SYT9: variants seen among roughly 807,000 people sequenced by gnomAD.
The protein encoded by SYT9 is synaptotagmin-9.
SYT9 carries 22 observed loss-of-function variants against 48.4 expected under a neutral mutation model. The observed-to-expected ratio is 0.45, with a 90% CI of 0.32 to 0.65. The LOEUF is 0.65. Among genes scored for constraint, SYT9 ranks in the 30% least tolerant of loss-of-function variants. The pLI is 0.03. For synonymous variants in SYT9, 265 were observed against 245.0 expected, an observed-to-expected ratio of 1.08 and a Z score of -0.76; for missense variants, 577 against 622.0, an observed-to-expected ratio of 0.93 and a Z score of 0.77.
At chr11:7,463,992 AGGT>A (rs763538170) in intron 6 of SYT9, among the ~76,000 whole-genome samples, 9 of 152,186 alleles carry the variant, frequency 5.9e-5, no homozygotes, top group Non-Finnish European at 1.0e-4. Flanking sequence ...AAATTGGCTA[AGGT>A]TGCAGCCTAG....
intron 3 of SYT9, among the ~76,000 whole-genome samples, chr11:7,401,887 T>G (rs1399883576): frequency 1.3e-5 from 2 of 151,910 alleles, no homozygotes; most frequent in Non-Finnish European, 2.9e-5. Flanking sequence ...CTCCTTTTTG[T>G]TTCATTTTCT....
At chr11:7,306,008 A>G (rs1332207713) in intron 2 of SYT9, among the ~76,000 whole-genome samples, 1 of 152,114 alleles carries the variant, frequency 6.6e-6, no homozygotes, top group African/African-American at 2.4e-5. Flanking sequence ...TTCTGGTCAG[A>G]ATGACTTTCT....
At chr11:7,242,186 T>G (rs554189162) in intron 1 of SYT9, among the ~76,000 whole-genome samples, 60 of 152,360 alleles carry the variant, frequency 3.9e-4, no homozygotes, top group African/African-American at 1.4e-3. Context: ...GGTCAGACCC[T>G]GCCCATCCTC....
At chr11:7,464,867 G>C (rs1302955302) in intron 6 of SYT9, among the ~76,000 whole-genome samples, 3 of 152,022 alleles carry the variant, frequency 2.0e-5, no homozygotes, top group African/African-American at 7.3e-5. Flanking sequence ...CGGATCACGA[G>C]GTCAGGAGAT....
At chr11:7,347,934 A>C (rs1849833497) in intron 3 of SYT9, among the ~76,000 whole-genome samples, 2 of 152,152 alleles carry the variant, frequency 1.3e-5, no homozygotes, top group African/African-American at 4.8e-5. Flanking sequence ...GCATCAGAGC[A>C]GGAAGCAATT....
intron 6 of SYT9, among the ~76,000 whole-genome samples, chr11:7,426,073 G>C (rs1185883596): frequency 6.6e-6 from 1 of 152,132 alleles, no homozygotes; most frequent in Non-Finnish European, 1.5e-5. Context: ...GTAGTTCTCG[G>C]TCTTTTCCAG....
chr11:7,380,575 G>A (rs1192445559), intron 3 of SYT9, among the ~76,000 whole-genome samples: 1 of 150,726 alleles, frequency 6.6e-6, no homozygotes, highest in Non-Finnish European at 1.5e-5. Flanking sequence ...TACCTACTTT[G>A]CACCCACCAA....
intron 3 of SYT9, among the ~76,000 whole-genome samples, chr11:7,379,709 C>A (rs774132288): frequency 1.3e-4 from 20 of 152,126 alleles, no homozygotes; most frequent in Non-Finnish European, 2.2e-4. Flanking sequence ...TCCTGACCCT[C>A]TCTCATGGTG....
At chr11:7,381,449 C>T (rs1850562965) in intron 3 of SYT9, among the ~76,000 whole-genome samples, 1 of 152,192 alleles carries the variant, frequency 6.6e-6, no homozygotes, top group South Asian at 2.1e-4. Context: ...CCCTCTCTGC[C>T]AGTTAGGGTC....
At chr11:7,413,352 A>G (rs190397223) in intron 3 of SYT9, among the ~76,000 whole-genome samples, 1 of 152,196 alleles carries the variant, frequency 6.6e-6, no homozygotes, top group Non-Finnish European at 1.5e-5. Flanking sequence ...GGCTTTCAGA[A>G]TGTCACTGTG....
At chr11:7,442,731 GC>G (rs1361012406) in intron 6 of SYT9, among the ~76,000 whole-genome samples, 1 of 151,842 alleles carries the variant, frequency 6.6e-6, no homozygotes, top group African/African-American at 2.4e-5. Flanking sequence ...CTCTCAAAGA[GC>G]AGTAGGCCTT....
intron 1 of SYT9, among the ~76,000 whole-genome samples, chr11:7,244,260 G>A (rs1847770151): frequency 6.6e-6 from 1 of 152,134 alleles, no homozygotes; most frequent in South Asian, 2.1e-4. Context: ...TCATAAAACT[G>A]GAAAGAAATC....
In SYT9 at chr11:7,252,617, C is replaced by T. The variant is rs1322149052; in HGVS notation, c.145+286C>T. Among the ~76,000 whole-genome samples the T allele has an allele frequency of 6.6e-6, 1 of 152,192 alleles. No individual in the cohort carries two copies. The highest frequency in any genetic ancestry group is 1.5e-5 in the Non-Finnish European group (1 of 68,034). ...CCATCGCCAAGGCTCCTGGGGGCGG[C>T]TCCCTAGCTCCGAGCTACGCTCTCC... On this transcript the variant is annotated intron_variant, in intron 1 of 6. Coordinates refer to ENST00000318881, the MANE Select transcript of SYT9 (RefSeq NM_175733.4). This position sits in a 1 kb window ranked among gnomAD's most constrained non-coding sequence, Gnocchi z 6.3.
intron 1 of SYT9, among the ~76,000 whole-genome samples, chr11:7,298,398 A>G (rs1848851561): frequency 6.6e-6 from 1 of 152,192 alleles, no homozygotes. Flanking sequence ...ATCTCGGTAC[A>G]TGAATTAATT....
At chr11:7,261,917 T>G (rs145414815) in intron 1 of SYT9, among the ~76,000 whole-genome samples, 40 of 152,246 alleles carry the variant, frequency 2.6e-4, no homozygotes, top group Admixed American at 1.0e-3. Context: ...TGCAGTAAGA[T>G]AGGAAGCCAT....
chr11:7,412,304 C>T (rs1373092522), intron 3 of SYT9, among the ~76,000 whole-genome samples: 7 of 152,152 alleles, frequency 4.6e-5, no homozygotes. Context: ...GTAACAATCA[C>T]TTATTCCATG....
At chr11:7,362,235 C>A (rs894931676) in intron 3 of SYT9, among the ~76,000 whole-genome samples, 1 of 149,668 alleles carries the variant, frequency 6.7e-6, no homozygotes, top group African/African-American at 2.5e-5. Flanking sequence ...ACCTCCACCT[C>A]CTGGGTTCAA....
At chr11:7,285,754 G>T (rs1234569765) in intron 1 of SYT9, among the ~76,000 whole-genome samples, 1 of 152,180 alleles carries the variant, frequency 6.6e-6, no homozygotes, top group African/African-American at 2.4e-5. Context: ...TCCAGGCATT[G>T]GGAAAATACA....
intron 1 of SYT9, among the ~76,000 whole-genome samples, chr11:7,277,809 A>G (rs906305901): frequency 2.6e-5 from 4 of 152,216 alleles, no homozygotes; most frequent in Admixed American, 2.0e-4. Flanking sequence ...AAGTTGAACA[A>G]TTCTATCACA....
Sources: gnomAD v4.1 joint callset for allele counts (sites outside exome capture counted in the v4.1 genomes callset) on GRCh38, gnomAD v4.1.1 for gene constraint, Gnocchi (gnomAD v3.1) non-coding constraint, MANE v1.5 for transcripts, NCBI Gene and HGNC (gene_info 2026-07-23, HGNC 2026-07-21) for gene names.